MB21D2: variants seen among roughly 807,000 people sequenced by gnomAD.
MB21D2 encodes the protein Mab-21 domain containing 2, also known as nucleotidyltransferase MB21D2.
A neutral mutation model predicts 33.3 loss-of-function variants in MB21D2; 9 were observed. The ratio of observed to expected loss-of-function variants is 0.27; its 90% CI spans 0.16 to 0.47. The LOEUF (loss-of-function observed/expected upper bound fraction) is 0.47. Ranked by LOEUF, MB21D2 falls within the 20% of genes least tolerant of loss-of-function variation. The pLI is 0.99. For missense variants in MB21D2, 540 were observed against 624.6 expected (o/e 0.86, Z 1.44); for synonymous variants, 241 against 236.3 (o/e 1.02, Z -0.18).
chr3:192,868,248 T>C (rs1438275109), intron 1 of MB21D2, among the ~76,000 whole-genome samples: 1 of 152,168 alleles, frequency 6.6e-6, no homozygotes, highest in African/African-American at 2.4e-5. Context: ...ATCCAAAAGA[T>C]AGAAGGGCTA....
chr3:192,841,792 G>A (rs1712578116), intron 1 of MB21D2, among the ~76,000 whole-genome samples: 1 of 152,228 alleles, frequency 6.6e-6, no homozygotes, highest in Admixed American at 6.5e-5. Flanking sequence ...GCTTCGCTAG[G>A]AGTTGCTAGG....
chr3:192,886,109 ACCT>A (rs1474655744), intron 1 of MB21D2, among the ~76,000 whole-genome samples: 15 of 151,530 alleles, frequency 9.9e-5, no homozygotes, highest in South Asian at 2.1e-4. Context: ...ACAGGCGCCC[ACCT>A]CCATGCCCGG....
chr3:192,803,612 C>T (rs1711598593), intron 1 of MB21D2, among the ~76,000 whole-genome samples: 3 of 152,228 alleles, frequency 2.0e-5, no homozygotes, highest in South Asian at 4.1e-4. Context: ...CTTTCCTGGG[C>T]TAAGTTTAAG....
At chr3:192,833,368 A>G (rs1189877628) in intron 1 of MB21D2, among the ~76,000 whole-genome samples, 3 of 152,202 alleles carry the variant, frequency 2.0e-5, no homozygotes, top group Admixed American at 2.0e-4. Context: ...TTTTCTGACA[A>G]TCTGACGCAA....
At chr3:192,872,426 A>G (rs1355832325) in intron 1 of MB21D2, among the ~76,000 whole-genome samples, 1 of 151,856 alleles carries the variant, frequency 6.6e-6, no homozygotes, top group Non-Finnish European at 1.5e-5. Flanking sequence ...AATACAAAAA[A>G]TTAGCCGCAC....
intron 1 of MB21D2, among the ~76,000 whole-genome samples, chr3:192,858,772 C>A (rs1380356781): frequency 6.6e-6 from 1 of 152,152 alleles, no homozygotes; most frequent in East Asian, 1.9e-4. Context: ...GAGAGGATAT[C>A]CTCCCAGGAA....
chr3:192,871,942 G>A (rs767649096), intron 1 of MB21D2, among the ~76,000 whole-genome samples: 3 of 152,150 alleles, frequency 2.0e-5, no homozygotes, highest in Non-Finnish European at 2.9e-5. Flanking sequence ...ATCACGTGGT[G>A]CTGAAACAGA....
intron 1 of MB21D2, among the ~76,000 whole-genome samples, chr3:192,810,039 G>A (rs922211268): frequency 3.9e-5 from 6 of 152,182 alleles, no homozygotes; most frequent in Non-Finnish European, 8.8e-5. Flanking sequence ...TGAGGAGACA[G>A]GTGGAGGTAG....
intron 1 of MB21D2, among the ~76,000 whole-genome samples, chr3:192,894,869 C>A (rs1713930703): frequency 6.6e-6 from 1 of 152,162 alleles, no homozygotes; most frequent in Non-Finnish European, 1.5e-5. Flanking sequence ...TTTCTCACCT[C>A]ATCACAACAC....
intron 1 of MB21D2, among the ~76,000 whole-genome samples, chr3:192,813,943 T>C (rs1315944178): frequency 6.6e-6 from 1 of 152,204 alleles, no homozygotes; most frequent in Non-Finnish European, 1.5e-5. Flanking sequence ...ACATCTTTGA[T>C]GAAAAATAAC....
chr3:192,801,273 C>G (rs544891682), intron 1 of MB21D2, among the ~76,000 whole-genome samples: 43 of 152,332 alleles, frequency 2.8e-4, no homozygotes, highest in African/African-American at 1.0e-3. Flanking sequence ...GATTCTCTGA[C>G]AAACTACCAG....
At chr3:192,847,587 A>T (rs1712703087) in intron 1 of MB21D2, among the ~76,000 whole-genome samples, 1 of 152,234 alleles carries the variant, frequency 6.6e-6, no homozygotes, top group African/African-American at 2.4e-5. Flanking sequence ...AGTCACAACA[A>T]TGAAACACCC....
At chr3:192,894,663 T>C (rs115361934) in intron 1 of MB21D2, among the ~76,000 whole-genome samples, 3 of 152,108 alleles carry the variant, frequency 2.0e-5, no homozygotes, top group Non-Finnish European at 2.9e-5. Context: ...GAGAAAGCGA[T>C]TGGAGTTTCC....
intron 1 of MB21D2, among the ~76,000 whole-genome samples, chr3:192,845,164 A>T (rs1012626798): frequency 1.3e-5 from 2 of 152,232 alleles, no homozygotes; most frequent in Non-Finnish European, 2.9e-5. Context: ...CCTACAGAAA[A>T]GTAACAGAAG....
At chr3:192,818,179 A>C (rs568288768) in intron 1 of MB21D2, among the ~76,000 whole-genome samples, 1 of 152,198 alleles carries the variant, frequency 6.6e-6, no homozygotes, top group South Asian at 2.1e-4. Flanking sequence ...GCTCATTCTC[A>C]TGTCTCACAT....
At chr3:192,878,239 G>C (rs1713484166) in intron 1 of MB21D2, among the ~76,000 whole-genome samples, 1 of 152,096 alleles carries the variant, frequency 6.6e-6, no homozygotes, top group African/African-American at 2.4e-5. Flanking sequence ...CAAAAAAAAG[G>C]AGAGAGCGAC....
At chr3:192,856,868 T>C (rs1176652387) in intron 1 of MB21D2, among the ~76,000 whole-genome samples, 5 of 152,166 alleles carry the variant, frequency 3.3e-5, no homozygotes, top group African/African-American at 9.7e-5. Flanking sequence ...ACAGCATTTT[T>C]GGTTTTTCTC....
At chr3:192,835,938 C>A (rs568896881) in intron 1 of MB21D2, among the ~76,000 whole-genome samples, 3 of 152,002 alleles carry the variant, frequency 2.0e-5, no homozygotes, top group Non-Finnish European at 4.4e-5. Flanking sequence ...CAGTGAAGCA[C>A]CATCATATCC....
chr3:192,853,189 GACCAACCACACCC>G (rs1560239707), intron 1 of MB21D2, among the ~76,000 whole-genome samples: 1 of 152,032 alleles, frequency 6.6e-6, no homozygotes, highest in Non-Finnish European at 1.5e-5. Context: ...TGGTCTTTGA[GACCAACCACACCC>G]ACCAACCACA....
Sources: allele counts gnomAD v4.1 joint callset (sites outside exome capture counted in the v4.1 genomes callset), GRCh38; gene constraint gnomAD v4.1.1; transcripts MANE v1.5; gene names NCBI Gene and HGNC (gene_info 2026-07-23, HGNC 2026-07-21).